The following SP4 variants were observed in gnomAD, a reference collection of about 807,000 sequenced individuals.
The protein encoded by SP4 is transcription factor Sp4.
SP4 carries 19 observed loss-of-function variants against 72.8 expected under a neutral mutation model. The ratio of observed to expected loss-of-function variants is 0.26; its 90% confidence interval spans 0.18 to 0.38. The LOEUF (loss-of-function observed/expected upper bound fraction) is 0.38, where lower values mean the gene tolerates loss of function less well. Among genes scored for constraint, SP4 ranks in the 10% least tolerant of loss-of-function variants. The probability of loss-of-function intolerance (pLI) is 1.00; values close to 1 mark genes in which losing one functional copy is unlikely to be tolerated. For missense variants in SP4, 1,008 were observed against 926.3 expected, an observed-to-expected ratio of 1.09 and a Z score of -1.14; for synonymous variants, 395 against 333.1, an observed-to-expected ratio of 1.19 and a Z score of -2.02.
rs1189466707 is a variant in SP4, at chr7:21,429,945, C to T, written c.780C>T (p.Asn260=). 5 of 1,614,074 alleles carry T rather than the reference C, an allele frequency of 3.1e-6. No individual in the cohort carries two copies. The Admixed American group carries it at 8.3e-5, about 27-fold the overall frequency. Residue 260 remains asparagine (N), a synonymous_variant, in exon 3 of 6, where the codon AAC becomes AAT. Coordinates refer to ENST00000222584, the MANE Select transcript of SP4 (RefSeq NM_003112.5). ...QAQVVTTLPI[N]IGGVTLALPV... is the part of the protein sequence containing the mutation. Reference sequence around the variant, plus strand: ...AAGTTGTAACAACCCTACCAATTAACATTGGAGGAGTGACTCTAGCTTTGC... The same window carrying T: ...AAGTTGTAACAACCCTACCAATTAATATTGGAGGAGTGACTCTAGCTTTGC...
intron 3 of SP4, among the ~76,000 whole-genome samples, chr7:21,449,725 A>T (rs1363971029): frequency 6.6e-6 from 1 of 152,220 alleles, no homozygotes. Context: ...ACTAAGGCCC[A>T]GTGTGAATAT....
chr7:21,487,461 A>G (rs1327620122), intron 5 of SP4, among the ~76,000 whole-genome samples: 3 of 124,708 alleles, frequency 2.4e-5, no homozygotes, highest in Non-Finnish European at 5.1e-5. Context: ...CTTTTGTCTC[A>G]TTACCATTTT....
chr7:21,428,592 G>A (rs1054662268), intron 1 of SP4, 85 bp from the exon 2 acceptor site: 18 of 1,319,958 alleles, frequency 1.4e-5, no homozygotes, highest in African/African-American at 3.0e-5. Flanking sequence ...CGGGGGGAGG[G>A]GGGAGAAGAG....
chr7:21,458,169 T>C (rs1243935213), intron 3 of SP4, among the ~76,000 whole-genome samples: 3 of 152,124 alleles, frequency 2.0e-5, no homozygotes, highest in African/African-American at 7.2e-5. Flanking sequence ...TCAAGTGCAG[T>C]TTTCCTGTCA....
chr7:21,460,270 A>G (rs957770345), intron 3 of SP4, among the ~76,000 whole-genome samples: 1 of 152,010 alleles, frequency 6.6e-6, no homozygotes, highest in Non-Finnish European at 1.5e-5. Context: ...TGATGTGGGG[A>G]TGTGTTCGAA....
At chr7:21,467,399 G>T (rs922158803) in intron 3 of SP4, among the ~76,000 whole-genome samples, 2 of 151,994 alleles carry the variant, frequency 1.3e-5, no homozygotes, top group Non-Finnish European at 2.9e-5. Flanking sequence ...AACTTCAAGT[G>T]TATATTCAAT....
At chr7:21,491,098 C>T (rs187596385) in intron 5 of SP4, among the ~76,000 whole-genome samples, 9 of 152,128 alleles carry the variant, frequency 5.9e-5, no homozygotes, top group African/African-American at 1.4e-4. Flanking sequence ...ATCTAGATTT[C>T]GGAATTATCA....
chr7:21,459,409 G>A (rs920601961), intron 3 of SP4, among the ~76,000 whole-genome samples: 4 of 152,112 alleles, frequency 2.6e-5, no homozygotes, highest in Non-Finnish European at 5.9e-5. Context: ...GTGAGCCACC[G>A]TGTTTTGGAA....
chr7:21,441,630 TAGAA>T (rs970386854), intron 3 of SP4, among the ~76,000 whole-genome samples: 1 of 152,204 alleles, frequency 6.6e-6, no homozygotes, highest in Non-Finnish European at 1.5e-5. Flanking sequence ...GTAGAAAAGT[TAGAA>T]AGCAGGAGCT....
chr7:21,441,932 A>G (rs1783257441), intron 3 of SP4, among the ~76,000 whole-genome samples: 1 of 151,792 alleles, frequency 6.6e-6, no homozygotes, highest in African/African-American at 2.4e-5. Flanking sequence ...GTTGTGGGAG[A>G]CACACTGTAC....
At chr7:21,470,528 C>G (rs1784302698) in intron 3 of SP4, among the ~76,000 whole-genome samples, 1 of 152,064 alleles carries the variant, frequency 6.6e-6, no homozygotes, top group Non-Finnish European at 1.5e-5. Context: ...TGCCTTTTTC[C>G]TTTACCAGCT....
At chr7:21,509,098 C>T (rs186491755) in intron 5 of SP4, among the ~76,000 whole-genome samples, 6 of 151,934 alleles carry the variant, frequency 3.9e-5, no homozygotes, top group South Asian at 2.1e-4. Context: ...ATGTTGGCTT[C>T]GTCAGAATGT....
intron 3 of SP4, among the ~76,000 whole-genome samples, chr7:21,462,740 G>A (rs1255452755): frequency 6.6e-6 from 1 of 152,168 alleles, no homozygotes; most frequent in Non-Finnish European, 1.5e-5. Context: ...CTGGTCTTTG[G>A]GGGCCAAAAG....
chr7:21,510,957 T>A (rs563520310), intron 5 of SP4, 65 bp from the exon 6 acceptor site: 1 of 1,450,214 alleles, frequency 6.9e-7, no homozygotes, highest in East Asian at 2.3e-5. Context: ...GAAGGGAGAT[T>A]ATTAAAAATT....
At chr7:21,460,394 C>T (rs1028471729) in intron 3 of SP4, among the ~76,000 whole-genome samples, 12 of 151,870 alleles carry the variant, frequency 7.9e-5, no homozygotes, top group East Asian at 1.9e-4. Context: ...TTTTTCCTCC[C>T]GGTGGGTTCG....
At chr7:21,496,713 A>G (rs1282059999) in intron 5 of SP4, among the ~76,000 whole-genome samples, 3 of 151,836 alleles carry the variant, frequency 2.0e-5, no homozygotes, top group Admixed American at 1.3e-4. Context: ...GTTTTTACCT[A>G]TTTTTCAAAT....
At chr7:21,486,527 G>C (rs1784815830) in intron 5 of SP4, among the ~76,000 whole-genome samples, 1 of 151,914 alleles carries the variant, frequency 6.6e-6, no homozygotes, top group African/African-American at 2.4e-5. Flanking sequence ...ATTTGAAAGT[G>C]GTTTTGGTAT....
intron 3 of SP4, among the ~76,000 whole-genome samples, chr7:21,432,202 AT>A (rs1393705992): frequency 6.6e-6 from 1 of 152,226 alleles, no homozygotes; most frequent in Non-Finnish European, 1.5e-5. Flanking sequence ...AAGGACAGTC[AT>A]CTAGTTAGTG....
chr7:21,504,585 CTA>C (rs1781947986), intron 5 of SP4, among the ~76,000 whole-genome samples: 1 of 152,146 alleles, frequency 6.6e-6, no homozygotes, highest in Non-Finnish European at 1.5e-5. Context: ...GTTTGTTATT[CTA>C]TGATATCTAA....
Sources: gnomAD v4.1 joint callset for allele counts (sites outside exome capture counted in the v4.1 genomes callset) on GRCh38, gnomAD v4.1.1 for gene constraint, MANE v1.5 for transcripts, NCBI Gene and HGNC (gene_info 2026-07-23, HGNC 2026-07-21) for gene names.